The following ALMS1 variants were observed in gnomAD, a reference collection of about 807,000 sequenced individuals.
The protein encoded by ALMS1 is ALMS1 centrosome and basal body associated protein.
Under a neutral mutation model 352.2 loss-of-function variants are expected in ALMS1, and 271 were observed. The ratio of observed to expected loss-of-function variants is 0.77; its 90% CI spans 0.70 to 0.85. The LOEUF is 0.85. Ranked by LOEUF, ALMS1 falls within the 40% of genes least tolerant of loss-of-function variation. The pLI is 0.00. For missense variants in ALMS1, 5,445 were observed against 4,870.7 expected, an observed-to-expected ratio of 1.12 and a Z score of -3.51; for synonymous variants, 1,865 against 1,761.2, an observed-to-expected ratio of 1.06 and a Z score of -1.48.
chr2:73,592,322 C>G (rs866037352), intron 16 of ALMS1, among the ~76,000 whole-genome samples: 1 of 152,160 alleles, frequency 6.6e-6, no homozygotes, highest in Non-Finnish European at 1.5e-5. Flanking sequence ...CCTTTTTTCA[C>G]TAGGAATTAA....
intron 12 of ALMS1, 143 bp from the exon 13 acceptor site, chr2:73,550,124 T>C: frequency 1.3e-6 from 1 of 784,806 alleles, no homozygotes. Context: ...CCTTCCAAAG[T>C]GCTGGGATTA....
At chr2:73,427,563 G>A (rs1056506757) in intron 6 of ALMS1, among the ~76,000 whole-genome samples, 10 of 151,912 alleles carry the variant, frequency 6.6e-5, no homozygotes, top group Non-Finnish European at 1.3e-4. Context: ...AGGTATACAG[G>A]TGTCATGGTG....
intron 9 of ALMS1, among the ~76,000 whole-genome samples, chr2:73,462,996 A>G (rs1672241540): frequency 6.6e-6 from 1 of 152,146 alleles, no homozygotes; most frequent in South Asian, 2.1e-4. Flanking sequence ...AGACTCCCAC[A>G]CAATAACAAT....
chr2:73,507,175 G>GTTTGCCAGTATTTTATTGAGGATT (rs1673345043), intron 10 of ALMS1, among the ~76,000 whole-genome samples: 1 of 152,038 alleles, frequency 6.6e-6, no homozygotes, highest in Non-Finnish European at 1.5e-5. Context: ...GCTGGATTAG[G>GTTTGCCAGTATTTTATTGAGGATT]TTTGCCAGTA....
Position 73,454,153 on chromosome 2 carries a change from A to G in ALMS1, c.7540+86A>G. 5.9e-6 allele frequency: 9 copies of G among 1,526,546 alleles called. No homozygotes were observed. In the South Asian group the frequency reaches 1.1e-4, roughly 19 times the overall value. 94.6% of individuals were successfully genotyped at this position (1,526,546 alleles called of 1,614,324 possible). A position where few individuals can be genotyped will look rare whatever the true frequency, so the allele number is the denominator to read the frequency against. ...ATTTATGTTTTGAGGAAGCTTAGCC[A>G]ATGAAAAATACAAGCAAGATCAAGA... On this transcript the variant is annotated intron_variant, in intron 8 of 22. Transcript: ENST00000613296.
intron 11 of ALMS1, among the ~76,000 whole-genome samples, chr2:73,525,095 T>C (rs930975188): frequency 3.3e-5 from 5 of 152,238 alleles, no homozygotes; most frequent in African/African-American, 1.2e-4. Flanking sequence ...GGCTAAATAG[T>C]ATTCCATTGT....
At chr2:73,580,032 A>G (rs891788204) in intron 16 of ALMS1, among the ~76,000 whole-genome samples, 4 of 151,950 alleles carry the variant, frequency 2.6e-5, no homozygotes, top group Non-Finnish European at 5.9e-5. Flanking sequence ...GTTTGATGGT[A>G]TCCTACAAGT....
At chr2:73,575,474 C>T (rs1675032479) in intron 16 of ALMS1, among the ~76,000 whole-genome samples, 1 of 152,160 alleles carries the variant, frequency 6.6e-6, no homozygotes, top group Non-Finnish European at 1.5e-5. Context: ...TGCATCCTTG[C>T]CAACACTTAT....
chr2:73,551,825 T>A lies in ALMS1; in HGVS notation c.10078+1388T>A, dbSNP rs553980428. 2.0e-4 allele frequency among the ~76,000 whole-genome samples: 30 copies of A among 152,296 alleles called. 1 individual carries two copies. The highest frequency in any genetic ancestry group is 6.7e-4 in the African/African-American group (28 of 41,556). On this transcript the variant is annotated intron_variant, in intron 13 of 22. Transcript: ENST00000613296. ...ATGATAATATTTATTAAATGAAAAC[T>A]CCAGTAGCCACTGAAAATTCTGTGT...
At chr2:73,541,444 A>G (rs919379895) in intron 12 of ALMS1, among the ~76,000 whole-genome samples, 1 of 152,246 alleles carries the variant, frequency 6.6e-6, no homozygotes, top group Non-Finnish European at 1.5e-5. Flanking sequence ...TTGACAGCCT[A>G]ACATCACAAT....
intron 6 of ALMS1, 85 bp from the exon 7 acceptor site, chr2:73,432,113 C>A: frequency 1.0e-6 from 1 of 990,564 alleles, no homozygotes; most frequent in Non-Finnish European, 1.6e-6. Flanking sequence ...ATCTTATTTT[C>A]TTCATTTCTT....
rs2103785835 is a variant in ALMS1 at position 73,451,806 on chromosome 2, CA to C, written c.5280del (p.His1761IlefsTer18). The stretch of plus-strand genomic sequence containing the variant: ...TCTACTGTAACTTCCTCTTTCTATT[CA>C]CATACAGAGAAGCCTAATATTTCTT... ...GLSTVTSSFY[S>X]HTEKPNISYQ... On this transcript the variant is annotated frameshift_variant, in exon 8 of 23. Transcript: ENST00000613296. LOFTEE classifies it high-confidence loss of function. 6.2e-7 allele frequency: 1 copy of C among 1,614,102 alleles called. No homozygotes were observed. Among genetic ancestry groups the C allele is most frequent in the Non-Finnish European group, 8.5e-7 (1 of 1,179,988 alleles).
intron 1 of ALMS1, among the ~76,000 whole-genome samples, chr2:73,390,161 G>A (rs1187368980): frequency 1.3e-5 from 2 of 152,140 alleles, no homozygotes; most frequent in Non-Finnish European, 2.9e-5. Flanking sequence ...ATTAAAGGTA[G>A]ATTTACAATG....
chr2:73,443,126 A>G (rs1304882818), intron 7 of ALMS1, among the ~76,000 whole-genome samples: 1 of 152,170 alleles, frequency 6.6e-6, no homozygotes, highest in Non-Finnish European at 1.5e-5. Flanking sequence ...TATTTTCAGT[A>G]TTAAGCCAAA....
intron 9 of ALMS1, 47 bp from the exon 10 acceptor site, chr2:73,489,587 C>G (rs1672929055): frequency 1.2e-6 from 2 of 1,604,736 alleles, no homozygotes; most frequent in Non-Finnish European, 8.5e-7. Context: ...TTGTTTATAA[C>G]TACTTGGACT....
intron 11 of ALMS1, among the ~76,000 whole-genome samples, chr2:73,523,265 T>A (rs1264057197): frequency 6.6e-6 from 1 of 152,190 alleles, no homozygotes; most frequent in Non-Finnish European, 1.5e-5. Context: ...TATTTATTTA[T>A]TTTTTAGGTT....
At chr2:73,400,758 G>A (rs1465087368) in intron 1 of ALMS1, among the ~76,000 whole-genome samples, 1 of 151,190 alleles carries the variant, frequency 6.6e-6, no homozygotes, top group African/African-American at 2.4e-5. Flanking sequence ...TCCTTTTAAT[G>A]TCCATGAGAT....
At chr2:73,563,010 T>A (rs1674697064) in intron 15 of ALMS1, among the ~76,000 whole-genome samples, 1 of 151,178 alleles carries the variant, frequency 6.6e-6, no homozygotes, top group Non-Finnish European at 1.5e-5. Flanking sequence ...AAACAGTAAA[T>A]TTGTAACAAA....
intron 9 of ALMS1, among the ~76,000 whole-genome samples, chr2:73,465,740 C>G (rs372597446): frequency 4.6e-5 from 7 of 151,758 alleles, no homozygotes; most frequent in Admixed American, 2.0e-4. Context: ...ACCTACTCAT[C>G]TGACAAAGGG....
Sources: gnomAD v4.1 joint callset for allele counts (sites outside exome capture counted in the v4.1 genomes callset) on GRCh38, gnomAD v4.1.1 for gene constraint, MANE v1.5 for transcripts, NCBI Gene and HGNC (gene_info 2026-07-23, HGNC 2026-07-21) for gene names.